The following EYS variants were observed in gnomAD, a reference collection of about 807,000 sequenced individuals.
EYS encodes protein eyes shut homolog.
A neutral mutation model predicts 282.1 loss-of-function variants in EYS; 250 were observed. That is an observed-to-expected ratio of 0.89 (90% CI 0.80 to 0.98). EYS has a LOEUF of 0.98. Ranked by LOEUF, EYS falls within the 50% of genes least tolerant of loss-of-function variation. The pLI, the probability that EYS is intolerant of heterozygous loss-of-function variation, is 0.00. For synonymous variants in EYS, 1,355 were observed against 1,282.9 expected (o/e 1.06, Z -1.20); for missense variants, 4,016 against 3,709.0 (o/e 1.08, Z -2.15).
intron 13 of EYS, among the ~76,000 whole-genome samples, chr6:65,032,944 C>T (rs1223079688): frequency 6.6e-6 from 1 of 152,046 alleles, no homozygotes; most frequent in Non-Finnish European, 1.5e-5. Flanking sequence ...GACAGTGAAG[C>T]CCAGGTTGCT....
intron 2 of EYS, among the ~76,000 whole-genome samples, chr6:65,596,184 G>A (rs1765397081): frequency 6.6e-6 from 1 of 152,038 alleles, no homozygotes; most frequent in African/African-American, 2.4e-5. Flanking sequence ...AGATGACTGT[G>A]GCTAAATAAC....
intron 33 of EYS, among the ~76,000 whole-genome samples, chr6:64,018,870 G>A (rs959159905): frequency 2.0e-5 from 3 of 149,128 alleles, no homozygotes; most frequent in African/African-American, 7.5e-5. Flanking sequence ...TGCTTCCTGG[G>A]TTCAAGCAAG....
intron 12 of EYS, among the ~76,000 whole-genome samples, chr6:65,225,721 GAA>G (rs201575014): frequency 4.9e-4 from 47 of 95,370 alleles, no homozygotes; most frequent in Non-Finnish European, 6.6e-4. Flanking sequence ...CATCAAAAAA[GAA>G]AAAAAAAAAA....
intron 12 of EYS, among the ~76,000 whole-genome samples, chr6:65,270,354 T>A (rs1416759434): frequency 6.6e-6 from 1 of 152,134 alleles, no homozygotes; most frequent in African/African-American, 2.4e-5. Flanking sequence ...CTTCCAGAAT[T>A]ATTGGATCAG....
At chr6:65,017,718 C>A (rs903708628) in intron 13 of EYS, among the ~76,000 whole-genome samples, 7 of 152,180 alleles carry the variant, frequency 4.6e-5, no homozygotes, top group African/African-American at 1.7e-4. Context: ...CAGACAAAAA[C>A]AATAAAGCTG....
chr6:64,715,870 G>A (rs752541435), intron 22 of EYS, among the ~76,000 whole-genome samples: 1 of 152,194 alleles, frequency 6.6e-6, no homozygotes, highest in Non-Finnish European at 1.5e-5. Context: ...AAGTAAGCAA[G>A]TTTTGTCACC....
At chr6:64,739,827 G>T (rs556261369) in intron 22 of EYS, among the ~76,000 whole-genome samples, 2 of 152,024 alleles carry the variant, frequency 1.3e-5, no homozygotes, top group African/African-American at 4.8e-5. Context: ...CCCTATTAGG[G>T]TTCCTTCATC....
At chr6:64,897,520 A>C (rs1329144144) in intron 18 of EYS, among the ~76,000 whole-genome samples, 1 of 152,198 alleles carries the variant, frequency 6.6e-6, no homozygotes, top group East Asian at 1.9e-4. Context: ...AAAGGCTGAA[A>C]ATTTTAAAAA....
intron 1 of EYS, among the ~76,000 whole-genome samples, chr6:65,697,672 A>C (rs148551413): frequency 3.2e-4 from 39 of 123,392 alleles, no homozygotes; most frequent in African/African-American, 8.5e-4. Context: ...CGAGGCATTT[A>C]GAATTTAAAA....
At chr6:64,983,833 A>G (rs1770762092) in intron 14 of EYS, among the ~76,000 whole-genome samples, 1 of 151,350 alleles carries the variant, frequency 6.6e-6, no homozygotes, top group African/African-American at 2.4e-5. Context: ...TAAACAGAAA[A>G]GTCATAAAAC....
intron 30 of EYS, among the ~76,000 whole-genome samples, chr6:64,239,632 T>C (rs1180557344): frequency 5.3e-5 from 8 of 151,764 alleles, no homozygotes; most frequent in Non-Finnish European, 1.0e-4. Flanking sequence ...TTGTTTAAGT[T>C]ATTTGTAGAT....
chr6:64,088,379 A>G (rs981668122), intron 31 of EYS, among the ~76,000 whole-genome samples: 3 of 152,052 alleles, frequency 2.0e-5, no homozygotes, highest in East Asian at 1.9e-4. Flanking sequence ...TGACTACAAA[A>G]TGACATCTAA....
intron 35 of EYS, among the ~76,000 whole-genome samples, chr6:63,957,539 C>T (rs1009976050): frequency 1.4e-5 from 2 of 141,012 alleles, no homozygotes; most frequent in Non-Finnish European, 3.2e-5. Context: ...AATAAAAGCT[C>T]AATAACTGTT....
At chr6:65,670,929 C>T (rs1235917024) in intron 1 of EYS, among the ~76,000 whole-genome samples, 2 of 151,694 alleles carry the variant, frequency 1.3e-5, no homozygotes, top group African/African-American at 4.8e-5. Flanking sequence ...TTCACCGAGA[C>T]ACATTTAACA....
intron 35 of EYS, among the ~76,000 whole-genome samples, chr6:63,868,274 G>A (rs1216734618): frequency 3.3e-5 from 5 of 151,850 alleles, no homozygotes; most frequent in East Asian, 1.9e-4. Flanking sequence ...TCTACAATAC[G>A]GTAAGAATAT....
intron 35 of EYS, among the ~76,000 whole-genome samples, chr6:63,901,862 T>C (rs909344585): frequency 1.7e-4 from 26 of 152,198 alleles, no homozygotes; most frequent in Non-Finnish European, 1.8e-4. Flanking sequence ...TTTCAGATTT[T>C]GAAGCATTTC....
At chr6:65,360,613 C>T (rs536775029) in intron 8 of EYS, among the ~76,000 whole-genome samples, 4 of 152,222 alleles carry the variant, frequency 2.6e-5, no homozygotes, top group Admixed American at 6.6e-5. Context: ...ACAGTAGTTG[C>T]TGACAACTCC....
intron 29 of EYS, among the ~76,000 whole-genome samples, chr6:64,318,096 G>A (rs7770439): frequency 0.66 from 100,709 of 151,690 alleles, 33,586 homozygotes; most frequent in South Asian, 0.71. Flanking sequence ...GTTGATGGGT[G>A]GAGAAAAGCA....
intron 31 of EYS, among the ~76,000 whole-genome samples, chr6:64,122,915 A>AT (rs201924059): frequency 0.033 from 4,895 of 149,824 alleles, 204 homozygotes; most frequent in African/African-American, 0.1. Flanking sequence ...CTTACAAAGC[A>AT]TTTTTTTTTT....
Sources: gnomAD v4.1 joint callset for allele counts (sites outside exome capture counted in the v4.1 genomes callset) on GRCh38, gnomAD v4.1.1 for gene constraint, MANE v1.5 for transcripts, NCBI Gene and HGNC (gene_info 2026-07-23, HGNC 2026-07-21) for gene names.